The following SYCP1 variants were observed in gnomAD, a reference collection of about 807,000 sequenced individuals.
The protein encoded by SYCP1 is synaptonemal complex protein 1.
In SYCP1, 64 loss-of-function variants were observed where a neutral mutation model predicts 153.1. The ratio of observed to expected loss-of-function variants is 0.42; its 90% CI spans 0.34 to 0.51. The LOEUF (loss-of-function observed/expected upper bound fraction) is 0.51. Ranked by LOEUF, SYCP1 falls within the 20% of genes least tolerant of loss-of-function variation. SYCP1 has a pLI of 0.06. For synonymous variants in SYCP1, 384 were observed against 341.8 expected, an observed-to-expected ratio of 1.12 and a Z score of -1.36; for missense variants, 997 against 1,049.0, an observed-to-expected ratio of 0.95 and a Z score of 0.68.
At chr1:114,982,031 C>T (rs1389417694) in intron 29 of SYCP1, among the ~76,000 whole-genome samples, 1 of 152,024 alleles carries the variant, frequency 6.6e-6, no homozygotes, top group African/African-American at 2.4e-5. Context: ...TTCTGACTGT[C>T]TTTCATATAG....
chr1:114,914,061 T>G lies in SYCP1; in HGVS notation c.1718+16T>G. The G allele has an allele frequency of 6.6e-7, 1 of 1,525,014 alleles. No homozygotes were observed. Among genetic ancestry groups the G allele is most frequent in the Non-Finnish European group, 8.8e-7 (1 of 1,140,762 alleles). The allele number at this position is 1,525,014 out of a possible 1,614,324, so 94.5% of individuals were successfully genotyped here. ...CCCAATTAAGGCAAGACTAACAAAT[T>G]GGCCTTTTTTTGTCTGGCAAAAGAT... On this transcript the variant is annotated intron_variant, in intron 20 of 31. Transcript: ENST00000369522.
chr1:114,914,195 T>A, intron 20 of SYCP1, 150 bp downstream of exon 20: 1 of 564,596 alleles, frequency 1.8e-6, no homozygotes, highest in East Asian at 3.3e-5. Context: ...GAATCCTGCT[T>A]AAAAATAAAA....
At chr1:114,900,380 A>G (rs1403955961) in intron 16 of SYCP1, among the ~76,000 whole-genome samples, 1 of 151,984 alleles carries the variant, frequency 6.6e-6, no homozygotes, top group Admixed American at 6.6e-5. Flanking sequence ...TCCCAGGTTC[A>G]AGTGATTTTC....
intron 25 of SYCP1, among the ~76,000 whole-genome samples, chr1:114,945,967 G>T (rs573104762): frequency 1.3e-5 from 2 of 152,108 alleles, no homozygotes; most frequent in East Asian, 3.9e-4. Flanking sequence ...AGTCAGTTTT[G>T]TAGAAGCCCT....
chr1:114,927,473 A>G (rs1669334607), intron 23 of SYCP1, among the ~76,000 whole-genome samples: 1 of 152,328 alleles, frequency 6.6e-6, no homozygotes, highest in South Asian at 2.1e-4. Context: ...AACATCTTCA[A>G]AGACAGAAAG....
chr1:114,947,533 G>T (rs1177524602), intron 27 of SYCP1, among the ~76,000 whole-genome samples: 12 of 151,942 alleles, frequency 7.9e-5, no homozygotes, highest in Non-Finnish European at 1.8e-4. Context: ...TTTAAGAAAA[G>T]AACACTTTTG....
chr1:114,977,035 A>T (rs1672835098), intron 27 of SYCP1, among the ~76,000 whole-genome samples: 1 of 151,804 alleles, frequency 6.6e-6, no homozygotes, highest in African/African-American at 2.4e-5. Context: ...CTTACTGAAT[A>T]AATTCTATCT....
chr1:114,878,886 A>G (rs1370137336), intron 12 of SYCP1, among the ~76,000 whole-genome samples: 4 of 152,202 alleles, frequency 2.6e-5, no homozygotes, highest in Non-Finnish European at 5.9e-5. Flanking sequence ...AGCATGATGG[A>G]GAGAGTTACT....
intron 16 of SYCP1, among the ~76,000 whole-genome samples, chr1:114,896,705 C>G (rs1236508922): frequency 6.6e-6 from 1 of 152,120 alleles, no homozygotes; most frequent in Admixed American, 6.5e-5. Context: ...CTTTGTAACA[C>G]TTTATAAATA....
At chr1:114,951,006 A>G (rs1423166711) in intron 27 of SYCP1, among the ~76,000 whole-genome samples, 2 of 151,992 alleles carry the variant, frequency 1.3e-5, no homozygotes, top group Non-Finnish European at 2.9e-5. Context: ...TTGTATTTTT[A>G]GTAGAGATGG....
chr1:114,874,648 A>G, intron 9 of SYCP1, 84 bp downstream of exon 9: 2 of 761,602 alleles, frequency 2.6e-6, no homozygotes, highest in East Asian at 5.4e-5. Flanking sequence ...ATGGACAACT[A>G]TTCTTACTAA....
intron 27 of SYCP1, among the ~76,000 whole-genome samples, chr1:114,953,627 A>G (rs12079717): frequency 0.015 from 2,319 of 152,230 alleles, 54 homozygotes; most frequent in African/African-American, 0.053. Flanking sequence ...TTATGGATCT[A>G]TTTCTATGGT....
intron 18 of SYCP1, among the ~76,000 whole-genome samples, chr1:114,912,407 T>G (rs1381168796): frequency 1.3e-5 from 2 of 152,002 alleles, no homozygotes; most frequent in African/African-American, 4.8e-5. Context: ...TAGATGCTCC[T>G]AAAATCACTC....
chr1:114,886,254 G>A lies in SYCP1; in HGVS notation c.1135G>A (p.Glu379Lys). Residue 379 changes from glutamate (E) to lysine (K), a missense_variant, in exon 14 of 32, where the codon GAA (glutamate) becomes AAA (lysine). Coordinates refer to ENST00000369522, the MANE Select transcript of SYCP1 (RefSeq NM_003176.4). ...AGCTGCTCATTCGTTTGTGGTTACT[G>A]AATTTGAAACTACTGTCTGCAGCTT... ...ARAAHSFVVT[E>K]FETTVCSLEE... 6.2e-7 allele frequency: 1 copy of A among 1,606,646 alleles called. No individual in the cohort carries two copies. Among genetic ancestry groups the A allele is most frequent in the Non-Finnish European group, 8.5e-7 (1 of 1,176,800 alleles).
At chr1:114,909,495 TACACACACACACACACAC>T (rs57520899) in intron 16 of SYCP1, among the ~76,000 whole-genome samples, 1 of 106,462 alleles carries the variant, frequency 9.4e-6, no homozygotes, top group African/African-American at 3.7e-5. Flanking sequence ...TCCCTTGCTG[TACACACACACACACACAC>T]ACACACACAC....
intron 23 of SYCP1, among the ~76,000 whole-genome samples, chr1:114,930,950 T>G (rs917506321): frequency 2.0e-5 from 3 of 151,910 alleles, no homozygotes; most frequent in African/African-American, 7.2e-5. Context: ...ATGGGATTTA[T>G]CAGAAATGTA....
At chr1:114,901,937 ACTT>A (rs1043211232) in intron 16 of SYCP1, among the ~76,000 whole-genome samples, 2 of 152,190 alleles carry the variant, frequency 1.3e-5, no homozygotes, top group Non-Finnish European at 2.9e-5. Context: ...TGGGGGAAGA[ACTT>A]ATTATTCTTA....
rs370049053 is a variant in SYCP1, at chr1:114,961,949, C to G, written c.2322+14629C>G. 1.2e-3 allele frequency among the ~76,000 whole-genome samples: 183 copies of G among 151,706 alleles called. 1 individual carries two copies. In the South Asian group the frequency reaches 0.014, roughly 11 times the overall value. ...TGCTGCCAGTGAAGTATTGAAGTCC[C>G]CCACTATTATTTGTGTTGCCATCTA... is the stretch of plus-strand genomic sequence containing the variant. On this transcript the variant is annotated intron_variant, in intron 27 of 31. Coordinates refer to ENST00000369522, the MANE Select transcript of SYCP1 (RefSeq NM_003176.4).
At chr1:114,919,037 A>T (rs1338829920) in intron 20 of SYCP1, among the ~76,000 whole-genome samples, 2 of 152,108 alleles carry the variant, frequency 1.3e-5, no homozygotes, top group Non-Finnish European at 2.9e-5. Context: ...GACCTCCAGT[A>T]CTATGTTGAA....
Sources: allele counts gnomAD v4.1 joint callset (sites outside exome capture counted in the v4.1 genomes callset), GRCh38; gene constraint gnomAD v4.1.1; transcripts MANE v1.5; gene names NCBI Gene and HGNC (gene_info 2026-07-23, HGNC 2026-07-21).